The following HDAC9 variants were observed in gnomAD, a reference collection of about 807,000 sequenced individuals.
HDAC9 encodes MEF-2 interacting transcription repressor (MITR) protein.
In HDAC9, 41 loss-of-function variants were observed where a neutral mutation model predicts 139.4. The observed-to-expected ratio is 0.29, with a 90% confidence interval of 0.23 to 0.38. The LOEUF is 0.38. HDAC9 is among the 10% of genes least tolerant of loss of function. HDAC9 has a pLI of 1.00. For missense variants in HDAC9, 1,147 were observed against 1,297.0 expected (o/e 0.88, Z 1.78); for synonymous variants, 517 against 476.2 (o/e 1.09, Z -1.12).
intron 12 of HDAC9, among the ~76,000 whole-genome samples, chr7:18,710,634 T>C (rs1344372954): frequency 6.6e-6 from 1 of 152,226 alleles, no homozygotes; most frequent in African/African-American, 2.4e-5. Flanking sequence ...GGGGATAATG[T>C]CTATGTTAAT....
At chr7:18,977,606 C>T (rs1784625074) in intron 25 of HDAC9, among the ~76,000 whole-genome samples, 1 of 152,070 alleles carries the variant, frequency 6.6e-6, no homozygotes, top group African/African-American at 2.4e-5. Context: ...AGAGATTTAA[C>T]CTTGGCTTCA....
At chr7:18,395,732 C>G (rs1187106496) in intron 1 of HDAC9, among the ~76,000 whole-genome samples, 1 of 151,942 alleles carries the variant, frequency 6.6e-6, no homozygotes, top group Non-Finnish European at 1.5e-5. Flanking sequence ...AACATGTTAC[C>G]TTTTTAAACA....
At position 18,317,988 on chromosome 7, in the gene HDAC9, C is replaced by T. The variant is rs192517760; in HGVS notation, c.-42+27473C>T. On this transcript the variant is annotated intron_variant, in intron 1 of 3. Coordinates refer to the HDAC9 transcript ENST00000413509. ...AAGAGAGTCTTGCCCTACTTAAACT[C>T]CAGAAAATATGATAATGGTTGCCTG... 1.3e-3 allele frequency among the ~76,000 whole-genome samples: 201 copies of T among 152,166 alleles called. 2 individuals are homozygous for T. Among genetic ancestry groups the T allele is most frequent in the Middle Eastern group, 6.8e-3 (2 of 294 alleles).
intron 12 of HDAC9, chr7:18,667,808 A>C (rs1286886159): frequency 1.0e-6 from 1 of 984,832 alleles, no homozygotes; most frequent in African/African-American, 1.7e-5. Flanking sequence ...TTGTTACGGA[A>C]GCTTTTCACT....
At chr7:18,840,515 T>C (rs998749560) in intron 21 of HDAC9, among the ~76,000 whole-genome samples, 1 of 152,082 alleles carries the variant, frequency 6.6e-6, no homozygotes, top group African/African-American at 2.4e-5. Context: ...GGGTTATTAT[T>C]GAAAACTACC....
chr7:18,310,840 ACACACACACT>A (rs1178065867), intron 1 of HDAC9, among the ~76,000 whole-genome samples: 20 of 147,176 alleles, frequency 1.4e-4, no homozygotes, highest in African/African-American at 5.1e-4. Context: ...ACACACACAC[ACACACACACT>A]CTCTTACTAA....
chr7:18,678,212 TTAACA>T (rs1781653839), intron 12 of HDAC9, among the ~76,000 whole-genome samples: 1 of 151,884 alleles, frequency 6.6e-6, no homozygotes, highest in Non-Finnish European at 1.5e-5. Context: ...TTAGTAACTC[TTAACA>T]TTAAGTAGTT....
intron 22 of HDAC9, among the ~76,000 whole-genome samples, chr7:18,901,632 T>C (rs1801733777): frequency 1.3e-5 from 2 of 152,174 alleles, no homozygotes; most frequent in African/African-American, 4.8e-5. Flanking sequence ...CCTCATTGTA[T>C]AGTATGGGTA....
intron 24 of HDAC9, among the ~76,000 whole-genome samples, chr7:18,971,164 T>A (rs76715505): frequency 0.018 from 2,766 of 152,304 alleles, 85 homozygotes; most frequent in African/African-American, 0.063. Context: ...TATTGTAGAT[T>A]CATTATTTGT....
chr7:18,629,977 C>T (rs1477952578), intron 7 of HDAC9, among the ~76,000 whole-genome samples: 1 of 152,026 alleles, frequency 6.6e-6, no homozygotes, highest in East Asian at 1.9e-4. Context: ...TGAAGTGGGA[C>T]TTATGGCAGG....
intron 21 of HDAC9, among the ~76,000 whole-genome samples, chr7:18,838,498 A>T (rs1277731901): frequency 6.6e-6 from 1 of 152,002 alleles, no homozygotes; most frequent in Non-Finnish European, 1.5e-5. Flanking sequence ...TGGCTCAAGG[A>T]CATGAGGTGG....
chr7:18,559,367 C>T (rs1351552622), intron 2 of HDAC9, among the ~76,000 whole-genome samples: 2 of 152,122 alleles, frequency 1.3e-5, no homozygotes, highest in African/African-American at 4.8e-5. Flanking sequence ...GATGTTTATA[C>T]TTTAGATTTC....
At chr7:18,680,111 A>T (rs1195421154) in intron 12 of HDAC9, among the ~76,000 whole-genome samples, 1 of 151,978 alleles carries the variant, frequency 6.6e-6, no homozygotes, top group East Asian at 1.9e-4. Context: ...ACCCAGGGGA[A>T]CTTTTCTAGA....
At chr7:18,229,379 A>G (rs796506710) in intron 2 of HDAC9, among the ~76,000 whole-genome samples, 13 of 152,316 alleles carry the variant, frequency 8.5e-5, no homozygotes, top group African/African-American at 3.1e-4. Flanking sequence ...TGTGCCTAGC[A>G]CAGTGCTTAG....
intron 2 of HDAC9, among the ~76,000 whole-genome samples, chr7:18,545,414 G>A (rs2128633749): frequency 6.6e-6 from 1 of 152,232 alleles, no homozygotes; most frequent in Admixed American, 6.5e-5. Flanking sequence ...TTGTGAAGTT[G>A]GGTAGTGACC....
At chr7:18,732,491 GTA>G (rs1251394196) in intron 13 of HDAC9, among the ~76,000 whole-genome samples, 1 of 149,962 alleles carries the variant, frequency 6.7e-6, no homozygotes, top group South Asian at 2.1e-4. Flanking sequence ...GTATATATGT[GTA>G]TATATGTGTA....
intron 1 of HDAC9, among the ~76,000 whole-genome samples, chr7:18,297,638 G>A (rs1319333157): frequency 2.0e-5 from 3 of 152,170 alleles, no homozygotes; most frequent in African/African-American, 4.8e-5. Context: ...TAAATAGGAT[G>A]TTATGGTTTG....
At position 18,151,562 on chromosome 7, in the gene HDAC9, C is replaced by G. The variant is rs767235575; in HGVS notation, c.-96-10667C>G. On this transcript the variant is annotated intron_variant, in intron 1 of 12. Coordinates refer to the HDAC9 transcript ENST00000417496. Reference sequence around the variant, plus strand: ...ACTAGACATCTTTCACATGGTTCTTCGAAGAGATGATAGAAAAGCTGCAGC... The same window carrying G: ...ACTAGACATCTTTCACATGGTTCTTGGAAGAGATGATAGAAAAGCTGCAGC... Among the ~76,000 whole-genome samples, 3 of 152,074 alleles carry G rather than the reference C, an allele frequency of 2.0e-5. No individual in the cohort carries two copies. In the South Asian group the frequency reaches 6.2e-4, roughly 32 times the overall value.
intron 3 of HDAC9, among the ~76,000 whole-genome samples, chr7:18,589,777 A>G (rs1011602837): frequency 6.6e-6 from 1 of 152,214 alleles, no homozygotes; most frequent in Non-Finnish European, 1.5e-5. Flanking sequence ...TATTCTACAT[A>G]TTATGAATAT....
Sources: allele counts gnomAD v4.1 joint callset (sites outside exome capture counted in the v4.1 genomes callset), GRCh38; gene constraint gnomAD v4.1.1; transcripts MANE v1.5; gene names NCBI Gene and HGNC (gene_info 2026-07-23, HGNC 2026-07-21).